STRBP: variants seen among roughly 807,000 people sequenced by gnomAD.
STRBP encodes the protein spermatid perinuclear RNA-binding protein.
A neutral mutation model predicts 80.1 loss-of-function variants in STRBP; 13 were observed. The observed-to-expected ratio is 0.16, with a 90% CI of 0.11 to 0.26. STRBP has a LOEUF of 0.26. Ranked by LOEUF, STRBP falls within the 10% of genes least tolerant of loss-of-function variation. The pLI is 1.00. For missense variants in STRBP, 485 were observed against 815.2 expected, an observed-to-expected ratio of 0.59 and a Z score of 4.93; for synonymous variants, 284 against 291.2, an observed-to-expected ratio of 0.98 and a Z score of 0.25.
chr9:123,208,116 G>GTT (rs958615583), intron 2 of STRBP, among the ~76,000 whole-genome samples: 53 of 138,610 alleles, frequency 3.8e-4, no homozygotes, highest in Middle Eastern at 3.9e-3. Flanking sequence ...AAGACTGTAA[G>GTT]TTTTTTTTTT....
Position 123,146,851 on chromosome 9 carries a change from G to C in STRBP, c.1338+4C>G. The C allele has an allele frequency of 6.2e-7, 1 of 1,606,562 alleles. No homozygotes were observed. The highest frequency in any genetic ancestry group is 8.5e-7 in the Non-Finnish European group (1 of 1,174,814). On this transcript the variant is annotated splice_donor_region_variant and intron_variant, in intron 13 of 18. Coordinates refer to ENST00000348403, the MANE Select transcript of STRBP (RefSeq NM_018387.5). ...AGCATTGCAAAGTAAAACAAATACT[G>C]TACCTTCACCGCTACGTGAAGTTTT...
intron 2 of STRBP, among the ~76,000 whole-genome samples, chr9:123,214,877 A>C (rs1055484234): frequency 6.6e-6 from 1 of 152,150 alleles, no homozygotes; most frequent in East Asian, 1.9e-4. Context: ...TGATTTTTTA[A>C]AACAAAATTT....
In STRBP at chr9:123,158,445, AACAC is replaced by A; in HGVS notation, c.836-20_836-17del. 6.2e-7 allele frequency: 1 copy of A among 1,609,804 alleles called. No homozygotes were observed. Reference sequence around the variant, plus strand: ...CCAGGACCCCCTTTGGCAAAGGAAAAACACAAGTATCATTTAGAACTGAGTTTAG... The same window carrying A: ...CCAGGACCCCCTTTGGCAAAGGAAAAAAGTATCATTTAGAACTGAGTTTAG... On this transcript the variant is annotated splice_polypyrimidine_tract_variant and intron_variant, in intron 9 of 18. Transcript: ENST00000348403.
chr9:123,246,276 T>C (rs1178097305), intron 1 of STRBP, among the ~76,000 whole-genome samples: 3 of 152,190 alleles, frequency 2.0e-5, no homozygotes, highest in Non-Finnish European at 4.4e-5. Context: ...ATTGACAGCA[T>C]CACAAAAACC....
At position 123,125,623 on chromosome 9, in the gene STRBP, G is replaced by C; in HGVS notation, c.1993C>G (p.Pro665Ala). The change falls in exon 19 of 19, where the codon CCT becomes GCT. Residue 665 changes from proline to alanine, a missense_variant. This residue lies in a region of STRBP where 85 missense variants were observed against 120.1 expected (regional missense o/e 0.71). Transcript: ENST00000348403. ...TAAAAGAATGAGTAGTGGGGAACAG[G>C]ATATGTTGGAAATTTCATAACGGGT... ...LLPVMKFPTY[P>A]VPHYSFF The C allele has an allele frequency of 6.2e-7, 1 of 1,613,362 alleles. No individual in the cohort carries two copies.
intron 2 of STRBP, among the ~76,000 whole-genome samples, chr9:123,234,077 T>C (rs2040476003): frequency 6.6e-6 from 1 of 151,576 alleles, no homozygotes; most frequent in Non-Finnish European, 1.5e-5. Context: ...GGCGGGCGCC[T>C]GTAGTCCCAG....
At chr9:123,164,423 A>G (rs748717033) in intron 6 of STRBP, among the ~76,000 whole-genome samples, 1 of 152,200 alleles carries the variant, frequency 6.6e-6, no homozygotes, top group Non-Finnish European at 1.5e-5. Context: ...ACATTCTAGC[A>G]ACAGAAGCAC....
In STRBP at chr9:123,146,952, T is replaced by G; in HGVS notation, c.1241A>C (p.His414Pro). 1 of 1,614,120 alleles carries G rather than the reference T, an allele frequency of 6.2e-7. No homozygotes were observed. Among genetic ancestry groups the G allele is most frequent in the Non-Finnish European group, 8.5e-7 (1 of 1,179,990 alleles). The change falls in exon 13 of 19, where the codon CAT becomes CCT. Residue 414 changes from histidine to proline, a missense_variant. Around this residue, in one of 3 missense-constraint regions of STRBP, gnomAD observed 377 missense variants for 616.1 expected, o/e 0.61. Transcript: ENST00000348403. ...TACAGACATTGTGAAGACTGGGGCA[T>G]GAACGGGGCCAGACTGAGATAGGAG... Reference protein sequence around the residue: ...YKLLSQSGPVHAPVFTMSVDV... With the variant: ...YKLLSQSGPVPAPVFTMSVDV...
At chr9:123,200,024 A>G (rs576367356) in intron 2 of STRBP, among the ~76,000 whole-genome samples, 7 of 152,208 alleles carry the variant, frequency 4.6e-5, no homozygotes, top group Non-Finnish European at 1.0e-4. Context: ...GGCTTTTATT[A>G]TTTTAAGGTA....
intron 2 of STRBP, among the ~76,000 whole-genome samples, chr9:123,223,203 T>C (rs1422974264): frequency 6.6e-6 from 1 of 152,164 alleles, no homozygotes; most frequent in Non-Finnish European, 1.5e-5. Context: ...GTTGCCAAGA[T>C]TTCTGGAGAA....
chr9:123,125,424 A>G lies in STRBP; in HGVS notation c.*173T>C. The G allele has an allele frequency of 8.3e-7, 1 of 1,204,670 alleles. No individual in the cohort carries two copies. The highest frequency in any genetic ancestry group is 3.8e-5 in the South Asian group (1 of 25,998). The allele number at this position is 1,204,670 out of a possible 1,614,324, so 74.6% of individuals were successfully genotyped here. On this transcript the variant is annotated 3_prime_UTR_variant, in exon 19 of 19. Coordinates refer to ENST00000348403, the MANE Select transcript of STRBP (RefSeq NM_018387.5). ...AGAACTGGTTTCTTTTTTTTTTTTC[A>G]AGTTTTAGAGAACTAAATTTGCATT...
intron 3 of STRBP, chr9:123,109,796 CAG>C (rs2035534434): frequency 1.3e-5 from 2 of 152,164 alleles, no homozygotes; most frequent in African/African-American, 4.8e-5. Context: ...ATAATTGCCT[CAG>C]AGGGGAAGGG....
At chr9:123,250,312 C>G (rs557709333) in intron 1 of STRBP, among the ~76,000 whole-genome samples, 2 of 152,144 alleles carry the variant, frequency 1.3e-5, no homozygotes, top group Non-Finnish European at 1.5e-5. Context: ...GTGAGAATTA[C>G]AAAAATGTAA....
intron 3 of STRBP, chr9:123,112,182 TCA>T (rs1211644315): frequency 1.2e-5 from 2 of 166,470 alleles, no homozygotes; most frequent in Non-Finnish European, 2.9e-5. Flanking sequence ...TGAAAGGGAG[TCA>T]CAGTGCAGCG....
At position 123,142,078 on chromosome 9, in the gene STRBP, C is replaced by T. The variant is rs551506510; in HGVS notation, c.1339-2391G>A. On this transcript the variant is annotated intron_variant, in intron 13 of 18. Coordinates refer to ENST00000348403, the MANE Select transcript of STRBP (RefSeq NM_018387.5). Reference sequence around the variant, plus strand: ...CAATATTTAATCACCCTCCATCACCCTTGGTATGTGATCAAATTTCCTCAT... The same window carrying T: ...CAATATTTAATCACCCTCCATCACCTTTGGTATGTGATCAAATTTCCTCAT... Among the ~76,000 whole-genome samples the T allele has an allele frequency of 5.3e-5, 8 of 152,278 alleles. No individual in the cohort carries two copies. The East Asian group carries it at 1.5e-3, about 29-fold the overall frequency.
At chr9:123,253,841 T>A (rs2040966530) in intron 1 of STRBP, among the ~76,000 whole-genome samples, 1 of 152,192 alleles carries the variant, frequency 6.6e-6, no homozygotes, top group African/African-American at 2.4e-5. Flanking sequence ...CTTGCCCTAG[T>A]CGACCTTACT....
chr9:123,184,478 G>A (rs2038616317), intron 2 of STRBP, among the ~76,000 whole-genome samples, 180 bp from the exon 3 acceptor site: 1 of 152,172 alleles, frequency 6.6e-6, no homozygotes, highest in African/African-American at 2.4e-5. Flanking sequence ...GAGCCTAGGT[G>A]ATATGGCCAG....
chr9:123,205,454 A>G (rs1372039207), intron 2 of STRBP, among the ~76,000 whole-genome samples: 1 of 152,244 alleles, frequency 6.6e-6, no homozygotes, highest in Non-Finnish European at 1.5e-5. Context: ...TGGAGACAGA[A>G]TGGACACGAT....
chr9:123,238,445 A>G (rs1468732390), intron 1 of STRBP, among the ~76,000 whole-genome samples: 1 of 152,236 alleles, frequency 6.6e-6, no homozygotes, highest in Non-Finnish European at 1.5e-5. Context: ...TTAAAGGCAA[A>G]CTAAGCGCCA....
Sources: allele counts gnomAD v4.1 joint callset (sites outside exome capture counted in the v4.1 genomes callset), GRCh38; gene constraint gnomAD v4.1.1; regional missense constraint gnomAD v4.1.1; transcripts MANE v1.5; gene names NCBI Gene and HGNC (gene_info 2026-07-23, HGNC 2026-07-21).